GK: variants seen among roughly 807,000 people sequenced by gnomAD.
The protein encoded by GK is ATP:glycerol 3-phosphotransferase.
Under a neutral mutation model 56.4 loss-of-function variants are expected in GK, and 9 were observed. The ratio of observed to expected loss-of-function variants is 0.16; its 90% confidence interval spans 0.10 to 0.28. GK has a LOEUF of 0.28. Ranked by LOEUF, GK falls within the 10% of genes least tolerant of loss-of-function variation. The probability of loss-of-function intolerance (pLI) is 1.00; values close to 1 mark genes in which losing one functional copy is unlikely to be tolerated. For missense variants in GK, 161 were observed against 431.4 expected (o/e 0.37, Z 5.55); for synonymous variants, 104 against 144.1 (o/e 0.72, Z 1.99).
intron 11 of GK, among the ~76,000 whole-genome samples, chrX:30,703,707 T>A (rs1935815795): frequency 9.0e-6 from 1 of 111,335 alleles, no homozygotes; most frequent in Admixed American, 9.6e-5. Flanking sequence ...ATACCTGTAA[T>A]GCCAGCACTT....
chrX:30,669,191 T>G, intron 3 of GK, among the ~76,000 whole-genome samples: 1 of 107,346 alleles, frequency 9.3e-6, no homozygotes, highest in East Asian at 2.9e-4. Context: ...TAGTTTTTTT[T>G]TTTTTTTTGA....
chrX:30,705,906 C>T (rs760262331), intron 11 of GK, among the ~76,000 whole-genome samples: 11 of 112,019 alleles, frequency 9.8e-5, no homozygotes, highest in South Asian at 3.7e-4. Flanking sequence ...CACTAAGACG[C>T]GTACGCTACT....
intron 11 of GK, among the ~76,000 whole-genome samples, chrX:30,703,869 G>A (rs1320135206): frequency 1.9e-5 from 2 of 107,217 alleles, no homozygotes; most frequent in Non-Finnish European, 3.8e-5. Flanking sequence ...GCTGAGGCAT[G>A]AAAATTGCTT....
intron 4 of GK, among the ~76,000 whole-genome samples, chrX:30,684,238 G>T (rs756539524): frequency 6.2e-5 from 7 of 112,155 alleles, no homozygotes; most frequent in Admixed American, 4.7e-4. Flanking sequence ...GAATGGCCTA[G>T]CTGTATTTCC....
chrX:30,713,228 G>A (rs778583878), intron 13 of GK, among the ~76,000 whole-genome samples: 1 of 111,192 alleles, frequency 9.0e-6, no homozygotes, highest in Non-Finnish European at 1.9e-5. Flanking sequence ...CCTGTCTTGC[G>A]CAAAACATTT....
In GK at chrX:30,693,219, T is replaced by C. The variant is rs370204220; in HGVS notation, c.415-1181T>C. 2.5e-4 allele frequency among the ~76,000 whole-genome samples: 27 copies of C among 109,463 alleles called. No individual in the cohort carries two copies. The East Asian group carries it at 7.5e-3, about 31-fold the overall frequency. ...TTTTAGTAGAGACGGGGTTTCACCATGTTAGCCAGGATGGTCTCCATCTCC... is the reference window on the plus strand; with the variant it reads ...TTTTAGTAGAGACGGGGTTTCACCACGTTAGCCAGGATGGTCTCCATCTCC... On this transcript the variant is annotated intron_variant, in intron 5 of 20. Transcript: ENST00000427190.
intron 1 of GK, among the ~76,000 whole-genome samples, chrX:30,659,675 A>T (rs965545675): frequency 4.4e-5 from 5 of 112,588 alleles, no homozygotes; most frequent in African/African-American, 1.3e-4. Context: ...CTTAGTAAAG[A>T]GAGCATTTCA....
intron 4 of GK, among the ~76,000 whole-genome samples, chrX:30,683,104 G>A (rs1193575897): frequency 9.0e-6 from 1 of 111,258 alleles, no homozygotes; most frequent in Non-Finnish European, 1.9e-5. Context: ...TTCTTCCTTC[G>A]TTGTCTATTT....
chrX:30,656,605 C>A (rs1013546814), intron 1 of GK, among the ~76,000 whole-genome samples: 2 of 111,226 alleles, frequency 1.8e-5, no homozygotes, highest in Admixed American at 9.6e-5. Context: ...GAATTCCCCC[C>A]CCTTCCTACA....
At chrX:30,672,785 G>T (rs1933622233) in intron 3 of GK, among the ~76,000 whole-genome samples, 1 of 111,192 alleles carries the variant, frequency 9.0e-6, no homozygotes, top group Non-Finnish European at 1.9e-5. Flanking sequence ...CTGCACTCCA[G>T]CCTGGGCAAC....
At chrX:30,713,528 A>G (rs1042218484) in intron 13 of GK, among the ~76,000 whole-genome samples, 7 of 111,839 alleles carry the variant, frequency 6.3e-5, no homozygotes, top group African/African-American at 2.3e-4. Flanking sequence ...TTCATCACCA[A>G]GAGAACTCTT....
At chrX:30,702,047 A>ATT (rs34088900) in intron 11 of GK, among the ~76,000 whole-genome samples, 28 of 103,397 alleles carry the variant, frequency 2.7e-4, no homozygotes, top group Middle Eastern at 4.9e-3. Context: ...ATTTTTATTT[A>ATT]TTTTTTTTTT....
intron 1 of GK, among the ~76,000 whole-genome samples, chrX:30,662,792 T>TTTCC (rs1167035306): frequency 2.0e-5 from 2 of 101,163 alleles, no homozygotes; most frequent in South Asian, 4.8e-4. Flanking sequence ...TCTCTCTTTC[T>TTTCC]TTCCTTCCTT....
At chrX:30,657,641 A>G (rs1160622492) in intron 1 of GK, among the ~76,000 whole-genome samples, 1 of 112,166 alleles carries the variant, frequency 8.9e-6, no homozygotes, top group Non-Finnish European at 1.9e-5. Context: ...TGTAGATCGT[A>G]TTAGTAAGCT....
intron 5 of GK, among the ~76,000 whole-genome samples, chrX:30,691,646 G>A (rs1339532763): frequency 9.2e-6 from 1 of 109,008 alleles, no homozygotes; most frequent in African/African-American, 3.3e-5. Context: ...CTAATTTTTT[G>A]TATTTTTAGT....
intron 13 of GK, among the ~76,000 whole-genome samples, chrX:30,709,970 A>C (rs1407893100): frequency 9.1e-6 from 1 of 110,447 alleles, no homozygotes; most frequent in African/African-American, 3.3e-5. Context: ...CTTTACTGTT[A>C]CTCTTTCAGT....
chrX:30,665,653 T>C, intron 2 of GK, 69 bp downstream of exon 2: 1 of 672,830 alleles, frequency 1.5e-6, no homozygotes, highest in Admixed American at 2.3e-5. Flanking sequence ...ACTTGCCCTG[T>C]GGATTTGTAA....
Position 30,729,970 on chromosome X carries a change from A to G in GK, c.*1228A>G, listed in dbSNP as rs1343060312. The G allele has an allele frequency of 5.3e-5, 6 of 112,435 alleles. No homozygotes were observed. The highest frequency in any genetic ancestry group is 9.7e-5 in the African/African-American group (3 of 31,018). The allele number at this position is 112,435 out of a possible 1,213,427, so 9.3% of individuals were successfully genotyped here. A position where few individuals can be genotyped will look rare whatever the true frequency, so the allele number is the denominator to read the frequency against. On this transcript the variant is annotated 3_prime_UTR_variant, in exon 21 of 21. Transcript: ENST00000427190. Reference sequence around the variant, plus strand: ...ATCTCTTTCAGTTCAAATGTTATCAATTGTTAATAAGAAATTGCTATCTGG... The same window carrying G: ...ATCTCTTTCAGTTCAAATGTTATCAGTTGTTAATAAGAAATTGCTATCTGG...
rs1307163086 is a variant in GK at position 30,694,280 on chromosome X, C to G, written c.415-120C>G. Reference sequence around the variant, plus strand: ...AGGAAAAGTATTTTTATTCATAATACTATGGGATTGCCTTCAGGGTCTTTG... The same window carrying G: ...AGGAAAAGTATTTTTATTCATAATAGTATGGGATTGCCTTCAGGGTCTTTG... On this transcript the variant is annotated intron_variant, in intron 5 of 20. Coordinates refer to ENST00000427190, the MANE Select transcript of GK (RefSeq NM_001205019.2). 5.2e-5 allele frequency: 32 copies of G among 619,275 alleles called. No individual in the cohort carries two copies. In the Admixed American group the frequency reaches 6.1e-4, roughly 12 times the overall value. 51.0% of individuals were successfully genotyped at this position (619,275 alleles called of 1,213,427 possible). A position where few individuals can be genotyped will look rare whatever the true frequency, so the allele number is the denominator to read the frequency against.
Sources: gnomAD v4.1 joint callset for allele counts (sites outside exome capture counted in the v4.1 genomes callset) on GRCh38, gnomAD v4.1.1 for gene constraint, MANE v1.5 for transcripts, NCBI Gene and HGNC (gene_info 2026-07-23, HGNC 2026-07-21) for gene names.